UBE2E2: variants seen among roughly 807,000 people sequenced by gnomAD.
The protein encoded by UBE2E2 is ubiquitin-conjugating enzyme E2 E2.
Under a neutral mutation model 24.7 loss-of-function variants are expected in UBE2E2, and 6 were observed. The ratio of observed to expected loss-of-function variants is 0.24; its 90% confidence interval spans 0.13 to 0.48. The LOEUF (loss-of-function observed/expected upper bound fraction) is 0.48, where lower values mean the gene tolerates loss of function less well. Among genes scored for constraint, UBE2E2 ranks in the 20% least tolerant of loss-of-function variants. The pLI, the probability that UBE2E2 is intolerant of heterozygous loss-of-function variation, is 0.99. For synonymous variants in UBE2E2, 104 were observed against 83.6 expected (o/e 1.24, Z -1.33); for missense variants, 169 against 245.0 (o/e 0.69, Z 2.07).
intron 5 of UBE2E2, among the ~76,000 whole-genome samples, chr3:23,536,981 A>C (rs570643184): frequency 4.6e-5 from 7 of 152,324 alleles, no homozygotes; most frequent in Admixed American, 4.6e-4. Context: ...CAATTTTACC[A>C]TAGGCTGATT....
chr3:23,521,729 T>G (rs1239471796), intron 4 of UBE2E2, among the ~76,000 whole-genome samples: 1 of 152,156 alleles, frequency 6.6e-6, no homozygotes, highest in Non-Finnish European at 1.5e-5. Flanking sequence ...TTTGTTTGTT[T>G]TAGCTCATGA....
chr3:23,469,106 G>T (rs1698980685), intron 3 of UBE2E2, among the ~76,000 whole-genome samples: 1 of 152,250 alleles, frequency 6.6e-6, no homozygotes, highest in South Asian at 2.1e-4. Context: ...GGATGTACAA[G>T]ATCAGGGAAC....
chr3:23,298,034 A>T (rs988719886), intron 3 of UBE2E2, among the ~76,000 whole-genome samples: 3 of 151,532 alleles, frequency 2.0e-5, no homozygotes, highest in African/African-American at 2.4e-5. Flanking sequence ...TAGATATTTT[A>T]TTCTCTTTGA....
chr3:23,507,627 T>TAA (rs1295601980), intron 4 of UBE2E2, among the ~76,000 whole-genome samples: 1 of 152,220 alleles, frequency 6.6e-6, no homozygotes, highest in Admixed American at 6.5e-5. Context: ...AACCAGAATC[T>TAA]AAACCCAGTT....
Position 23,203,708 on chromosome 3 carries a change from C to G in UBE2E2, c.-9+244C>G, listed in dbSNP as rs576543562. On this transcript the variant is annotated intron_variant, in intron 1 of 5. Transcript: ENST00000396703. ...TTCCCATCCCCCCCTTCTGCCTCTT[C>G]TCTCCCTGTCCTCCTTCTACCCCCT... Among the ~76,000 whole-genome samples the G allele has an allele frequency of 1.2e-3, 157 of 131,394 alleles. 1 individual carries two copies. Among genetic ancestry groups the G allele is most frequent in the African/African-American group, 4.1e-3 (146 of 35,382 alleles). The allele number at this position is 131,394 out of a possible 152,430, so 86.2% of individuals were successfully genotyped here.
intron 4 of UBE2E2, among the ~76,000 whole-genome samples, chr3:23,502,139 A>G (rs1211624319): frequency 2.0e-5 from 3 of 152,062 alleles, no homozygotes; most frequent in Non-Finnish European, 4.4e-5. Context: ...TAACAACTCC[A>G]TGCCTTCCTA....
chr3:23,246,222 A>ATTTTGTT (rs1697393781), intron 3 of UBE2E2, among the ~76,000 whole-genome samples: 1 of 102,210 alleles, frequency 9.8e-6, no homozygotes, highest in Non-Finnish European at 2.0e-5. Flanking sequence ...TGCGTGGCTA[A>ATTTTGTT]TTTTTTTTTT....
intron 3 of UBE2E2, among the ~76,000 whole-genome samples, chr3:23,426,996 G>C (rs1697941971): frequency 6.6e-6 from 1 of 152,026 alleles, no homozygotes; most frequent in Non-Finnish European, 1.5e-5. Flanking sequence ...GGAAGAATTA[G>C]TATTATTTTG....
At chr3:23,368,366 T>A (rs900337109) in intron 3 of UBE2E2, among the ~76,000 whole-genome samples, 66 of 152,194 alleles carry the variant, frequency 4.3e-4, no homozygotes, top group Admixed American at 9.8e-4. Context: ...AAAAGATTGA[T>A]GTTAATCACC....
intron 4 of UBE2E2, among the ~76,000 whole-genome samples, chr3:23,530,376 T>A (rs1298788397): frequency 1.3e-5 from 2 of 152,236 alleles, no homozygotes; most frequent in African/African-American, 4.8e-5. Context: ...ATTTTCTCCT[T>A]ATAATTTTGC....
At chr3:23,354,727 C>A (rs1202763905) in intron 3 of UBE2E2, among the ~76,000 whole-genome samples, 2 of 152,160 alleles carry the variant, frequency 1.3e-5, no homozygotes, top group East Asian at 3.9e-4. Flanking sequence ...AGTCAGGAAG[C>A]AACAGGTGCT....
intron 1 of UBE2E2, among the ~76,000 whole-genome samples, chr3:23,207,783 G>C (rs1210016473): frequency 4.6e-5 from 7 of 152,144 alleles, no homozygotes; most frequent in African/African-American, 1.7e-4. Flanking sequence ...GTAGAGAGTA[G>C]ACCCTTAATC....
intron 4 of UBE2E2, among the ~76,000 whole-genome samples, chr3:23,531,004 T>G (rs1199314778): frequency 2.0e-5 from 3 of 152,202 alleles, no homozygotes; most frequent in African/African-American, 4.8e-5. Flanking sequence ...TTATATTTTC[T>G]TCAACATTTC....
intron 3 of UBE2E2, among the ~76,000 whole-genome samples, chr3:23,265,869 C>G (rs1369877618): frequency 1.3e-5 from 2 of 152,234 alleles, no homozygotes; most frequent in Admixed American, 6.5e-5. Context: ...GTTAGCTCTT[C>G]TTGTTGAATT....
At chr3:23,425,722 G>A (rs370639564) in intron 3 of UBE2E2, among the ~76,000 whole-genome samples, 22 of 152,226 alleles carry the variant, frequency 1.4e-4, no homozygotes, top group Admixed American at 3.9e-4. Flanking sequence ...TAGGGGTGAC[G>A]AGTCATGAGA....
intron 5 of UBE2E2, among the ~76,000 whole-genome samples, chr3:23,568,929 C>A (rs1009335855): frequency 1.3e-5 from 2 of 151,468 alleles, no homozygotes; most frequent in Non-Finnish European, 2.9e-5. Flanking sequence ...TTTAGCAGTT[C>A]CTTACATGGT....
intron 3 of UBE2E2, among the ~76,000 whole-genome samples, chr3:23,299,961 G>C (rs1166236279): frequency 1.3e-5 from 2 of 151,878 alleles, no homozygotes; most frequent in East Asian, 3.9e-4. Flanking sequence ...TATGAATCTG[G>C]GTGCTCCTGT....
intron 3 of UBE2E2, among the ~76,000 whole-genome samples, chr3:23,476,325 G>T (rs7627151): frequency 1.3e-5 from 2 of 152,174 alleles, no homozygotes; most frequent in East Asian, 3.9e-4. Flanking sequence ...GACATTGAAT[G>T]TAATTATTAT....
chr3:23,348,450 CT>C (rs1695626623), intron 3 of UBE2E2, among the ~76,000 whole-genome samples: 1 of 149,752 alleles, frequency 6.7e-6, no homozygotes. Context: ...AGATTTTTTT[CT>C]TTTTCAAAGT....
Sources: gnomAD v4.1 joint callset for allele counts (sites outside exome capture counted in the v4.1 genomes callset) on GRCh38, gnomAD v4.1.1 for gene constraint, MANE v1.5 for transcripts, NCBI Gene and HGNC (gene_info 2026-07-23, HGNC 2026-07-21) for gene names.